MAST4: variants seen among roughly 807,000 people sequenced by gnomAD.
The protein encoded by MAST4 is microtubule-associated serine/threonine-protein kinase 4.
A neutral mutation model predicts 162.7 loss-of-function variants in MAST4; 89 were observed. The observed-to-expected ratio is 0.55, with a 90% confidence interval of 0.46 to 0.65. The LOEUF (loss-of-function observed/expected upper bound fraction) is 0.65. MAST4 is among the 30% of genes least tolerant of loss of function. The pLI is 0.00. For missense variants in MAST4, 3,153 were observed against 3,374.0 expected (o/e 0.93, Z 1.62); for synonymous variants, 1,479 against 1,361.1 (o/e 1.09, Z -1.91).
intron 4 of MAST4, among the ~76,000 whole-genome samples, chr5:66,920,843 C>G (rs1342492980): frequency 6.6e-6 from 1 of 152,104 alleles, no homozygotes; most frequent in Non-Finnish European, 1.5e-5. Flanking sequence ...TTTCTAATGA[C>G]TCTGGAAGAT....
chr5:67,038,110 T>G (rs1452796720), intron 4 of MAST4, among the ~76,000 whole-genome samples: 1 of 152,192 alleles, frequency 6.6e-6, no homozygotes, highest in African/African-American at 2.4e-5. Flanking sequence ...CAGCATTTAT[T>G]TCAGAAAACA....
intron 2 of MAST4, among the ~76,000 whole-genome samples, chr5:66,770,194 C>T (rs1754297385): frequency 6.6e-6 from 1 of 152,176 alleles, no homozygotes; most frequent in Non-Finnish European, 1.5e-5. Flanking sequence ...AGCGTTAAAA[C>T]CATTTATTGT....
At chr5:66,794,522 A>T (rs1395408843) in intron 3 of MAST4, among the ~76,000 whole-genome samples, 1 of 152,208 alleles carries the variant, frequency 6.6e-6, no homozygotes, top group East Asian at 1.9e-4. Context: ...GGATGGTATT[A>T]TCCAGAATGG....
chr5:66,700,002 G>A lies in MAST4; in HGVS notation c.364-59707G>A, dbSNP rs1048660777. 1.3e-5 allele frequency among the ~76,000 whole-genome samples: 2 copies of A among 152,062 alleles called. 1 individual carries two copies. The highest frequency in any genetic ancestry group is 4.1e-4 in the South Asian group (2 of 4,828). ...TGCATGAATGAATCAATTATTAACA[G>A]TGCAGCTGTGATTGTGAAACTAGCT... On this transcript the variant is annotated intron_variant, in intron 1 of 28. Transcript: ENST00000403625.
At chr5:66,948,465 C>G (rs1447294574) in intron 4 of MAST4, among the ~76,000 whole-genome samples, 2 of 152,102 alleles carry the variant, frequency 1.3e-5, no homozygotes, top group African/African-American at 4.8e-5. Context: ...TCCTGAAACC[C>G]AGAGCCTTTT....
chr5:67,092,832 A>G (rs2545386), intron 6 of MAST4, among the ~76,000 whole-genome samples: 15,765 of 141,018 alleles, frequency 0.11, 943 homozygotes, highest in African/African-American at 0.21. Flanking sequence ...ACTAAAGATC[A>G]TTGGCTCTGG....
At chr5:66,833,513 T>G (rs1757756000) in intron 3 of MAST4, among the ~76,000 whole-genome samples, 1 of 152,222 alleles carries the variant, frequency 6.6e-6, no homozygotes, top group African/African-American at 2.4e-5. Context: ...ACTGTGAGTT[T>G]AGCCACAGTC....
At chr5:66,760,361 G>A (rs1276424808) in intron 2 of MAST4, among the ~76,000 whole-genome samples, 1 of 152,038 alleles carries the variant, frequency 6.6e-6, no homozygotes, top group African/African-American at 2.4e-5. Flanking sequence ...TGATCTGCCT[G>A]CCGTGGCCTC....
At chr5:66,935,457 C>A (rs1050533879) in intron 4 of MAST4, among the ~76,000 whole-genome samples, 3 of 152,034 alleles carry the variant, frequency 2.0e-5, no homozygotes, top group African/African-American at 4.8e-5. Flanking sequence ...CCTTTTCCAA[C>A]CTGGTTATCC....
intron 3 of MAST4, among the ~76,000 whole-genome samples, chr5:66,806,981 T>A (rs1756218163): frequency 1.3e-5 from 2 of 152,216 alleles, no homozygotes; most frequent in South Asian, 4.1e-4. Context: ...ACTAACCCTT[T>A]GTCCTGGGTA....
At chr5:66,835,186 C>A (rs1245809938) in intron 3 of MAST4, among the ~76,000 whole-genome samples, 1 of 152,194 alleles carries the variant, frequency 6.6e-6, no homozygotes, top group Non-Finnish European at 1.5e-5. Flanking sequence ...TTTGAAGTCT[C>A]ATCCATTATG....
rs1307405569 is a variant in MAST4 at position 66,775,647 on chromosome 5, G to T, written c.518-13023G>T. On this transcript the variant is annotated intron_variant, in intron 2 of 28. Transcript: ENST00000403625. ...TCAGTGTGCAGGGTTGGATAACAAT[G>T]GTTCTTAAAAATGGTTCTTCAAAAG... Among the ~76,000 whole-genome samples, 5 of 149,368 alleles carry T rather than the reference G, an allele frequency of 3.3e-5. No homozygotes were observed. In the East Asian group the frequency reaches 7.8e-4, roughly 23 times the overall value.
intron 4 of MAST4, among the ~76,000 whole-genome samples, chr5:67,051,770 C>A (rs532442012): frequency 2.6e-5 from 4 of 152,084 alleles, no homozygotes; most frequent in African/African-American, 9.7e-5. Context: ...ATTTTAGCAA[C>A]AAATTCATTC....
At chr5:66,758,428 A>AT (rs1405561541) in intron 1 of MAST4, among the ~76,000 whole-genome samples, 1 of 151,580 alleles carries the variant, frequency 6.6e-6, no homozygotes, top group Non-Finnish European at 1.5e-5. Flanking sequence ...TTTTTTATTT[A>AT]TTTTTTGAGA....
At chr5:67,117,971 TAATC>T (rs948057411) in intron 12 of MAST4, among the ~76,000 whole-genome samples, 20 of 152,204 alleles carry the variant, frequency 1.3e-4, no homozygotes, top group African/African-American at 4.6e-4. Flanking sequence ...TAATAATAAA[TAATC>T]AACATTTAAT....
intron 5 of MAST4, among the ~76,000 whole-genome samples, chr5:67,062,812 T>TA (rs923445463): frequency 1.6e-4 from 24 of 151,750 alleles, no homozygotes; most frequent in African/African-American, 4.1e-4. Flanking sequence ...ATTTCCTTTT[T>TA]AAAAAAAAAT....
At chr5:66,685,708 T>G (rs1159738721) in intron 1 of MAST4, among the ~76,000 whole-genome samples, 1 of 152,150 alleles carries the variant, frequency 6.6e-6, no homozygotes, top group Non-Finnish European at 1.5e-5. Flanking sequence ...GCACATCCAC[T>G]GCTATACAAA....
intron 3 of MAST4, among the ~76,000 whole-genome samples, chr5:66,888,234 T>C (rs1762165421): frequency 6.6e-6 from 1 of 152,226 alleles, no homozygotes. Flanking sequence ...ATTATTTGAA[T>C]ATGTGTGTCA....
intron 3 of MAST4, among the ~76,000 whole-genome samples, chr5:66,795,910 A>C (rs191313357): frequency 2.0e-5 from 3 of 152,262 alleles, no homozygotes; most frequent in African/African-American, 7.2e-5. Flanking sequence ...CATTATAATC[A>C]GAGTCTCTGG....
Sources: allele counts gnomAD v4.1 joint callset (sites outside exome capture counted in the v4.1 genomes callset), GRCh38; gene constraint gnomAD v4.1.1; transcripts MANE v1.5; gene names NCBI Gene and HGNC (gene_info 2026-07-23, HGNC 2026-07-21).